UBA6: variants seen among roughly 807,000 people sequenced by gnomAD.
UBA6 encodes the protein ubiquitin like modifier activating enzyme 6.
A neutral mutation model predicts 148.3 loss-of-function variants in UBA6; 87 were observed. The ratio of observed to expected loss-of-function variants is 0.59; its 90% CI spans 0.49 to 0.70. The LOEUF is 0.70. Among genes scored for constraint, UBA6 ranks in the 30% least tolerant of loss-of-function variants. The pLI is 0.00. For missense variants in UBA6, 1,186 were observed against 1,241.2 expected, an observed-to-expected ratio of 0.96 and a Z score of 0.67; for synonymous variants, 376 against 401.0, an observed-to-expected ratio of 0.94 and a Z score of 0.75.
intron 7 of UBA6, 65 bp from the exon 8 acceptor site, chr4:67,670,657 G>A: frequency 8.2e-7 from 1 of 1,226,716 alleles, no homozygotes; most frequent in Non-Finnish European, 1.2e-6. Flanking sequence ...TAGTATCTTA[G>A]GCCATTTCAT....
At chr4:67,691,270 TA>T (rs34053031) in intron 2 of UBA6, among the ~76,000 whole-genome samples, 34,897 of 149,364 alleles carry the variant, frequency 0.23, 4,166 homozygotes, top group Middle Eastern at 0.31. Flanking sequence ...ACACAAATTA[TA>T]AAAAGTTAAA....
intron 2 of UBA6, among the ~76,000 whole-genome samples, chr4:67,691,803 AAAAAAG>A (rs1413616336): frequency 1.3e-5 from 2 of 150,380 alleles, no homozygotes; most frequent in Non-Finnish European, 2.9e-5. Context: ...TTGTAAAAAA[AAAAAAG>A]AAAAGCCATC....
At chr4:67,650,594 T>C (rs1057017395) in intron 13 of UBA6, among the ~76,000 whole-genome samples, 8 of 152,138 alleles carry the variant, frequency 5.3e-5, no homozygotes, top group African/African-American at 1.9e-4. Flanking sequence ...CAGAATATTA[T>C]AAATTTCAAA....
chr4:67,635,983 T>C (rs1016877187), intron 19 of UBA6, among the ~76,000 whole-genome samples: 1 of 152,188 alleles, frequency 6.6e-6, no homozygotes, highest in African/African-American at 2.4e-5. Flanking sequence ...TTTTATTTTC[T>C]TCCCCTCTTT....
At chr4:67,677,545 T>C (rs1730312471) in intron 6 of UBA6, 66 bp downstream of exon 6, 2 of 780,178 alleles carry the variant, frequency 2.6e-6, no homozygotes, top group Non-Finnish European at 4.2e-6. Context: ...TAGTTAAACA[T>C]ATTAATATTT....
chr4:67,622,824 T>C lies in UBA6; in HGVS notation c.3023+7A>G. The C allele has an allele frequency of 6.3e-7, 1 of 1,598,924 alleles. No homozygotes were observed. The highest frequency in any genetic ancestry group is 8.5e-7 in the Non-Finnish European group (1 of 1,171,614). On this transcript the variant is annotated splice_region_variant and intron_variant, in intron 32 of 32. Coordinates refer to ENST00000322244, the MANE Select transcript of UBA6 (RefSeq NM_018227.6). ...GTTAATCGCTGCATATAATGTTGAA[T>C]ACTTACGTTAACTTCAATCTTTTTG...
At chr4:67,637,617 T>G (rs1729194434) in intron 19 of UBA6, among the ~76,000 whole-genome samples, 1 of 31,618 alleles carries the variant, frequency 3.2e-5, no homozygotes, top group Admixed American at 3.4e-4. Flanking sequence ...TGGGATGCTG[T>G]TGATCTAATC....
At chr4:67,652,474 C>T (rs926552765) in intron 13 of UBA6, among the ~76,000 whole-genome samples, 1 of 152,200 alleles carries the variant, frequency 6.6e-6, no homozygotes, top group Non-Finnish European at 1.5e-5. Context: ...AATTCTCATA[C>T]ACTTCTGGTG....
In UBA6 at chr4:67,617,608, G is replaced by T. The variant is rs182014264; in HGVS notation, c.*1389C>A. 23 of 152,088 alleles carry T rather than the reference G, an allele frequency of 1.5e-4. No individual in the cohort carries two copies. The highest frequency in any genetic ancestry group is 5.3e-4 in the African/African-American group (22 of 41,514). The allele number at this position is 152,088 out of a possible 1,614,324, so 9.4% of individuals were successfully genotyped here. A position where few individuals can be genotyped will look rare whatever the true frequency, so the allele number is the denominator to read the frequency against. On this transcript the variant is annotated 3_prime_UTR_variant, in exon 33 of 33. Transcript: ENST00000322244. ...GGAAACAATACAGCTGGTTGATAAA[G>T]TAATTTAAACTATTTGTAAATGAAA...
chr4:67,642,549 C>T (rs1729332117), intron 17 of UBA6, among the ~76,000 whole-genome samples: 1 of 152,000 alleles, frequency 6.6e-6, no homozygotes, highest in African/African-American at 2.4e-5. Context: ...CAGTAAGAAC[C>T]AATAAGTGGT....
rs1032527450 is a variant in UBA6, at chr4:67,615,050, A to G, written c.*3947T>C. Reference sequence around the variant, plus strand: ...GCAAAATTAAAAACAAAAACTGTTAACACCAGCACTGACCAAGATATGGAG... The same window carrying G: ...GCAAAATTAAAAACAAAAACTGTTAGCACCAGCACTGACCAAGATATGGAG... On this transcript the variant is annotated 3_prime_UTR_variant, in exon 33 of 33. Transcript: ENST00000322244. The G allele has an allele frequency of 6.6e-6, 1 of 152,222 alleles. No homozygotes were observed. The highest frequency in any genetic ancestry group is 1.5e-5 in the Non-Finnish European group (1 of 68,030). 9.4% of individuals were successfully genotyped at this position (152,222 alleles called of 1,614,324 possible). A position where few individuals can be genotyped will look rare whatever the true frequency, so the allele number is the denominator to read the frequency against.
chr4:67,619,424 C>T (rs1459367783), intron 32 of UBA6, among the ~76,000 whole-genome samples: 1 of 152,176 alleles, frequency 6.6e-6, no homozygotes, highest in African/African-American at 2.4e-5. Flanking sequence ...GCCTGTAATC[C>T]CAGCACTTTG....
intron 8 of UBA6, among the ~76,000 whole-genome samples, chr4:67,668,900 G>T (rs1369617034): frequency 6.6e-6 from 1 of 152,010 alleles, no homozygotes; most frequent in Non-Finnish European, 1.5e-5. Flanking sequence ...TCTATGTTTG[G>T]TAGGAGATGT....
intron 7 of UBA6, among the ~76,000 whole-genome samples, chr4:67,670,876 G>A (rs550835480): frequency 6.6e-5 from 10 of 152,094 alleles, no homozygotes; most frequent in Middle Eastern, 3.4e-3. Flanking sequence ...TTAAAATTTT[G>A]TGCTTGTCAC....
chr4:67,679,118 C>G (rs1211542590), intron 4 of UBA6, among the ~76,000 whole-genome samples: 1 of 151,846 alleles, frequency 6.6e-6, no homozygotes, highest in Non-Finnish European at 1.5e-5. Context: ...GGAGTAATCT[C>G]CAGGATATGC....
chr4:67,653,468 A>C (rs1379492730), intron 13 of UBA6, among the ~76,000 whole-genome samples: 1 of 152,208 alleles, frequency 6.6e-6, no homozygotes, highest in Non-Finnish European at 1.5e-5. Flanking sequence ...AAAACTAACA[A>C]ACAGAAAGGA....
At chr4:67,632,880 A>C (rs531849307) in intron 23 of UBA6, among the ~76,000 whole-genome samples, 1 of 152,064 alleles carries the variant, frequency 6.6e-6, no homozygotes, top group Non-Finnish European at 1.5e-5. Flanking sequence ...TCCTAAAGAG[A>C]GGGAAAGACT....
chr4:67,659,458 G>GCT (rs1292871231), intron 13 of UBA6, among the ~76,000 whole-genome samples: 1 of 151,926 alleles, frequency 6.6e-6, no homozygotes, highest in Non-Finnish European at 1.5e-5. Context: ...TAGATCCCCT[G>GCT]CTTGCACTCA....
At chr4:67,664,353 A>T (rs1313614302) in intron 10 of UBA6, among the ~76,000 whole-genome samples, 2 of 152,110 alleles carry the variant, frequency 1.3e-5, no homozygotes, top group African/African-American at 2.4e-5. Flanking sequence ...ACCCAATCTA[A>T]AATTGAGACA....
Sources: allele counts gnomAD v4.1 joint callset (sites outside exome capture counted in the v4.1 genomes callset), GRCh38; gene constraint gnomAD v4.1.1; transcripts MANE v1.5; gene names NCBI Gene and HGNC (gene_info 2026-07-23, HGNC 2026-07-21).